The following NUAK1 variants were observed in gnomAD, a reference collection of about 807,000 sequenced individuals.
The protein encoded by NUAK1 is NUAK family kinase 1.
In NUAK1, 26 loss-of-function variants were observed where a neutral mutation model predicts 56.9. That is an observed-to-expected ratio of 0.46 (90% CI 0.33 to 0.63). NUAK1 has a LOEUF of 0.63. NUAK1 is among the 30% of genes least tolerant of loss of function. NUAK1 has a pLI of 0.02. For synonymous variants in NUAK1, 337 were observed against 336.0 expected (o/e 1.00, Z -0.03); for missense variants, 727 against 876.1 (o/e 0.83, Z 2.15).
At position 106,098,761 on chromosome 12, in the gene NUAK1, G is replaced by A. The variant is rs117988168; in HGVS notation, c.361+7644C>T. Among the ~76,000 whole-genome samples, 195 of 152,184 alleles carry A rather than the reference G, an allele frequency of 1.3e-3. 5 individuals are homozygous for A. The East Asian group carries it at 0.033, about 26-fold the overall frequency. On this transcript the variant is annotated intron_variant, in intron 2 of 6. Coordinates refer to ENST00000261402, the MANE Select transcript of NUAK1 (RefSeq NM_014840.3). ...TTTGTTCTCAGTGGTTTTGCAGATC[G>A]GGTCTCCTAGGCTTTCAAAGGGGAA...
At chr12:106,131,535 T>C (rs575544313) in intron 1 of NUAK1, among the ~76,000 whole-genome samples, 2 of 152,358 alleles carry the variant, frequency 1.3e-5, no homozygotes, top group South Asian at 4.1e-4. Context: ...TCCTTTTTAC[T>C]GTTGAATAAC....
Position 106,067,943 on chromosome 12 carries a change from A to G in NUAK1, c.845T>C (p.Leu282Pro). ...EPTQPSDARG[L>P]IRWMLMVNPD... Reference sequence around the variant, plus strand: ...GTTCACCATCAGCATCCACCGTATGAGTCCTCGAGCATCTAAGGGACAAGG... The same window carrying G: ...GTTCACCATCAGCATCCACCGTATGGGTCCTCGAGCATCTAAGGGACAAGG... The change falls in exon 7 of 7, where the codon CTC (leucine) becomes CCC (proline). Residue 282 changes from leucine to proline, a missense_variant. Transcript: ENST00000261402. This position sits in a 1 kb window ranked among gnomAD's most constrained non-coding sequence, Gnocchi z 6.0. 5.0e-6 allele frequency: 8 copies of G among 1,606,260 alleles called. No homozygotes were observed. Among genetic ancestry groups the G allele is most frequent in the Non-Finnish European group, 6.0e-6 (7 of 1,174,740 alleles).
At chr12:106,127,586 G>A (rs1271972120) in intron 1 of NUAK1, among the ~76,000 whole-genome samples, 1 of 152,168 alleles carries the variant, frequency 6.6e-6, no homozygotes. Context: ...CCAGAGAGCA[G>A]GGAAGGCGAG....
intron 2 of NUAK1, among the ~76,000 whole-genome samples, chr12:106,089,923 G>T (rs1393049673): frequency 6.6e-6 from 1 of 152,272 alleles, no homozygotes; most frequent in South Asian, 2.1e-4. Flanking sequence ...TCAAGAAATA[G>T]TTCCAAATGC....
chr12:106,099,545 C>T (rs2032727886), intron 2 of NUAK1, among the ~76,000 whole-genome samples: 1 of 152,154 alleles, frequency 6.6e-6, no homozygotes, highest in Non-Finnish European at 1.5e-5. Context: ...CACCAAATGA[C>T]CTGGTTAGTA....
chr12:106,100,183 A>G (rs1243497843), intron 2 of NUAK1, among the ~76,000 whole-genome samples: 1 of 151,272 alleles, frequency 6.6e-6, no homozygotes, highest in Admixed American at 6.6e-5. Context: ...GTATTATTTT[A>G]AAGGTATAAA....
At chr12:106,114,463 G>C (rs537808146) in intron 1 of NUAK1, among the ~76,000 whole-genome samples, 5 of 152,334 alleles carry the variant, frequency 3.3e-5, no homozygotes, top group Admixed American at 2.6e-4. Flanking sequence ...GGCAGATTGT[G>C]TATATGATGG....
At chr12:106,130,579 A>C (rs949179300) in intron 1 of NUAK1, among the ~76,000 whole-genome samples, 1 of 152,224 alleles carries the variant, frequency 6.6e-6, no homozygotes, top group Non-Finnish European at 1.5e-5. Context: ...AAGAGGAAGA[A>C]GAAAGCAAGC....
rs1256468216 is a variant in NUAK1, at chr12:106,138,569, C to T, written c.85G>A (p.Gly29Arg). The change falls in exon 1 of 7, where the codon GGG becomes AGG. Residue 29 changes from glycine (G) to arginine (R), a missense_variant. Gly to Arg is a moderately radical substitution (Grantham distance 125). Coordinates refer to ENST00000261402, the MANE Select transcript of NUAK1 (RefSeq NM_014840.3). The surrounding 1 kb of genome is among the most constrained non-coding windows in gnomAD (Gnocchi z 5.0). Reference sequence around the variant, plus strand: ...CTGGGCTCCAGGGCTGCAGTCGCCCCCGCCACCGCCTCTCGGGGAGAGCCC... The same window carrying T: ...CTGGGCTCCAGGGCTGCAGTCGCCCTCGCCACCGCCTCTCGGGGAGAGCCC... ...APGSPREAVA[G>R]ATAALEPRKP... 13 of 1,604,658 alleles carry T rather than the reference C, an allele frequency of 8.1e-6. No homozygotes were observed. Among genetic ancestry groups the T allele is most frequent in the Non-Finnish European group, 1.1e-5 (13 of 1,178,712 alleles).
chr12:106,070,108 C>A (rs1368708458), intron 6 of NUAK1, among the ~76,000 whole-genome samples: 3 of 152,132 alleles, frequency 2.0e-5, no homozygotes, highest in Non-Finnish European at 4.4e-5. Context: ...TTCTTAGAAC[C>A]CCAAGCTGCC....
At chr12:106,125,140 C>T (rs1252557210) in intron 1 of NUAK1, among the ~76,000 whole-genome samples, 2 of 152,162 alleles carry the variant, frequency 1.3e-5, no homozygotes, top group African/African-American at 4.8e-5. Flanking sequence ...TGCCCAAGGT[C>T]ACACAGCTTA....
At chr12:106,077,293 A>C (rs2032474105) in intron 4 of NUAK1, among the ~76,000 whole-genome samples, 1 of 152,218 alleles carries the variant, frequency 6.6e-6, no homozygotes, top group South Asian at 2.1e-4. Flanking sequence ...CTCATCTGCA[A>C]AATGGCACTC....
At chr12:106,129,722 T>C (rs1222623480) in intron 1 of NUAK1, among the ~76,000 whole-genome samples, 2 of 152,194 alleles carry the variant, frequency 1.3e-5, no homozygotes, top group Non-Finnish European at 2.9e-5. Flanking sequence ...ATATTACCTC[T>C]AGTTTTCAAG....
At chr12:106,087,081 AC>A in intron 2 of NUAK1, 196 bp from the exon 3 acceptor site, 1 of 554,050 alleles carries the variant, frequency 1.8e-6, no homozygotes, top group Non-Finnish European at 3.1e-6. Context: ...GGTGTGTGTC[AC>A]CACCACTGTT....
intron 1 of NUAK1, among the ~76,000 whole-genome samples, chr12:106,109,256 A>C (rs2032834828): frequency 6.6e-6 from 1 of 152,232 alleles, no homozygotes; most frequent in Non-Finnish European, 1.5e-5. Context: ...AGTAATGGCC[A>C]GTATTCATTA....
chr12:106,093,150 G>A (rs2434082), intron 2 of NUAK1, among the ~76,000 whole-genome samples: 68,211 of 151,966 alleles, frequency 0.45, 15,272 homozygotes, highest in Non-Finnish European at 0.46. Flanking sequence ...GCCAGAAGGG[G>A]CCTGAAAAGA....
intron 1 of NUAK1, among the ~76,000 whole-genome samples, chr12:106,130,258 A>G (rs939738767): frequency 6.6e-6 from 1 of 152,214 alleles, no homozygotes; most frequent in Non-Finnish European, 1.5e-5. Context: ...CTGGGACTGC[A>G]GGCGTGAACC....
At position 106,070,790 on chromosome 12, in the gene NUAK1, C is replaced by T. The variant is rs773940635; in HGVS notation, c.816G>A (p.Glu272=). 5 of 1,614,212 alleles carry T rather than the reference C, an allele frequency of 3.1e-6. No homozygotes were observed. The East Asian group carries it at 6.7e-5, about 22-fold the overall frequency. ...GGCACGCACCTGAGGGCTGTGTTGG[C>T]TCCCGGTACTCTCCGCTGCTGATTT... ...IRQISSGEYR[E]PTQPSDARGL... is the part of the protein sequence containing the mutation. Residue 272 remains glutamate (E), a synonymous_variant, in exon 6 of 7, where the codon GAG becomes GAA. Transcript: ENST00000261402.
intron 2 of NUAK1, among the ~76,000 whole-genome samples, chr12:106,092,377 G>A (rs1481649195): frequency 6.6e-6 from 1 of 152,028 alleles, no homozygotes; most frequent in East Asian, 1.9e-4. Context: ...AATTAGCTGG[G>A]CGTGGTAGTG....
Sources: allele counts gnomAD v4.1 joint callset (sites outside exome capture counted in the v4.1 genomes callset), GRCh38; gene constraint gnomAD v4.1.1; non-coding constraint Gnocchi (gnomAD v3.1); transcripts MANE v1.5; gene names NCBI Gene and HGNC (gene_info 2026-07-23, HGNC 2026-07-21).